CCDC169: variants seen among roughly 807,000 people sequenced by gnomAD.
The protein encoded by CCDC169 is coiled-coil domain containing 169, also known as coiled-coil domain-containing protein 169.
In CCDC169, 30 loss-of-function variants were observed where a neutral mutation model predicts 36.0. The observed-to-expected ratio is 0.83, with a 90% confidence interval of 0.62 to 1.13. The LOEUF is 1.13. CCDC169 is among the 50% of genes most tolerant of loss of function. CCDC169 has a pLI of 0.00. For missense variants in CCDC169, 245 were observed against 245.9 expected, an observed-to-expected ratio of 1.00 and a Z score of 0.03; for synonymous variants, 85 against 81.5, an observed-to-expected ratio of 1.04 and a Z score of -0.23.
chr13:36,254,189 C>A, intron 4 of CCDC169, 46 bp from the exon 5 acceptor site: 6 of 1,273,972 alleles, frequency 4.7e-6, no homozygotes, highest in South Asian at 1.6e-5. Flanking sequence ...ATGTTCTAAA[C>A]AAAATAAGAA....
chr13:36,222,220 A>T (rs1167579908), downstream of CCDC169: 1 of 152,158 alleles, frequency 6.6e-6, no homozygotes, highest in African/African-American at 2.4e-5. Flanking sequence ...CCATCATTCT[A>T]GATTTCTACC....
intron 7 of CCDC169, among the ~76,000 whole-genome samples, chr13:36,239,805 TC>T (rs1871547739): frequency 6.9e-6 from 1 of 144,870 alleles, no homozygotes; most frequent in Non-Finnish European, 1.5e-5. Context: ...TTTACACTTG[TC>T]CCCCCTTTAT....
chr13:36,224,253 A>G (rs1683806497), downstream of CCDC169: 1 of 152,142 alleles, frequency 6.6e-6, no homozygotes, highest in Admixed American at 6.6e-5. Flanking sequence ...GCTATTTTCT[A>G]TTCAACATAG....
At chr13:36,297,591 CG>C in intron 1 of CCDC169, 45 bp downstream of exon 1, 7 of 1,529,534 alleles carry the variant, frequency 4.6e-6, no homozygotes, top group South Asian at 1.2e-5. Flanking sequence ...GGTGAAGGCT[CG>C]GGGGGTGTGG....
chr13:36,255,890 A>T (rs1259051893), intron 4 of CCDC169, among the ~76,000 whole-genome samples: 1 of 152,100 alleles, frequency 6.6e-6, no homozygotes, highest in Non-Finnish European at 1.5e-5. Context: ...ATCCCCATTC[A>T]CTGCCAAGTC....
At chr13:36,234,191 C>A (rs1434840777) in intron 7 of CCDC169, among the ~76,000 whole-genome samples, 1 of 152,148 alleles carries the variant, frequency 6.6e-6, no homozygotes, top group Non-Finnish European at 1.5e-5. Context: ...GTTGGGTCTT[C>A]ATTCTGAAGA....
At position 36,265,629 on chromosome 13, in the gene CCDC169, G is replaced by A. The variant is rs761240762; in HGVS notation, c.316-11486C>T. Among the ~76,000 whole-genome samples, 42 of 152,196 alleles carry A rather than the reference G, an allele frequency of 2.8e-4. 1 individual carries two copies. The highest frequency in any genetic ancestry group is 5.3e-4 in the Non-Finnish European group (36 of 68,038). On this transcript the variant is annotated intron_variant, in intron 4 of 7. Transcript: ENST00000239859. ...TAGGTCTTTAATTATGGCACTAATC[G>A]CTACTGTCTTCCCTGGGATAAGAGA...
chr13:36,254,771 A>C (rs1018845113), intron 4 of CCDC169, among the ~76,000 whole-genome samples: 5 of 152,200 alleles, frequency 3.3e-5, no homozygotes, highest in African/African-American at 9.7e-5. Context: ...AATAGTAGCT[A>C]AACTAACAAG....
chr13:36,254,069 T>C lies in CCDC169; in HGVS notation c.390A>G (p.Ala130=). The change falls in exon 5 of 8, where the codon GCA becomes GCG. Residue 130 remains alanine, a synonymous_variant. Coordinates refer to ENST00000239859, the MANE Select transcript of CCDC169 (RefSeq NM_001144981.3). ...KTLESQVKYY[A]LKLEQESKAY... is the part of the protein sequence containing the mutation. ...CCTTTGATTCTTGTTCCAGTTTAAG[T>C]GCATAGTATTTCACTTGACTTTCAA... 1 of 1,548,948 alleles carries C rather than the reference T, an allele frequency of 6.5e-7. No homozygotes were observed. Among genetic ancestry groups the C allele is most frequent in the Admixed American group, 2.0e-5 (1 of 50,364 alleles).
chr13:36,248,549 A>T, intron 7 of CCDC169, 57 bp downstream of exon 7: 1 of 1,496,930 alleles, frequency 6.7e-7, no homozygotes, highest in Non-Finnish European at 9.1e-7. Flanking sequence ...CTGTTTTGTC[A>T]GTGGCATTTA....
chr13:36,260,747 A>C (rs779643366), intron 4 of CCDC169, among the ~76,000 whole-genome samples: 8 of 151,946 alleles, frequency 5.3e-5, no homozygotes, highest in Non-Finnish European at 7.4e-5. Flanking sequence ...TTGATAAATA[A>C]TCTCCTTTTC....
intron 2 of CCDC169, among the ~76,000 whole-genome samples, chr13:36,294,603 C>A (rs1879258724): frequency 6.6e-6 from 1 of 152,090 alleles, no homozygotes; most frequent in African/African-American, 2.4e-5. Flanking sequence ...AGACAAAACC[C>A]CTCAGACACC....
At chr13:36,254,383 C>T (rs1873576113) in intron 4 of CCDC169, among the ~76,000 whole-genome samples, 1 of 151,270 alleles carries the variant, frequency 6.6e-6, no homozygotes, top group Non-Finnish European at 1.5e-5. Context: ...CTATGCGATT[C>T]CCCTGCCTCA....
At chr13:36,228,609 G>C (rs1225333232), downstream of CCDC169, among the ~76,000 whole-genome samples, 1 of 151,986 alleles carries the variant, frequency 6.6e-6, no homozygotes, top group Non-Finnish European at 1.5e-5. Flanking sequence ...GCCCACGCTG[G>C]AGTGCAGTGG....
intron 7 of CCDC169, among the ~76,000 whole-genome samples, chr13:36,236,550 A>C (rs564252469): frequency 3.3e-5 from 5 of 152,100 alleles, no homozygotes; most frequent in Non-Finnish European, 7.4e-5. Flanking sequence ...AAGAAAACAT[A>C]GGTTAGGCAA....
Position 36,253,986 on chromosome 13 carries a change from A to T in CCDC169, c.414+59T>A, listed in dbSNP as rs897289024. On this transcript the variant is annotated intron_variant, in intron 5 of 7. Coordinates refer to ENST00000239859, the MANE Select transcript of CCDC169 (RefSeq NM_001144981.3). ...TGTTAATTATAGAGTAGGTTTGTAGATAACATTAGAAATAATGGCAGTTTC... is the reference window on the plus strand; with the variant it reads ...TGTTAATTATAGAGTAGGTTTGTAGTTAACATTAGAAATAATGGCAGTTTC... 3.3e-6 allele frequency: 5 copies of T among 1,527,778 alleles called. No individual in the cohort carries two copies. The African/African-American group carries it at 6.9e-5, about 21-fold the overall frequency. 94.6% of individuals were successfully genotyped at this position (1,527,778 alleles called of 1,614,324 possible).
chr13:36,279,291 C>T (rs1877221586), intron 4 of CCDC169, among the ~76,000 whole-genome samples: 1 of 152,046 alleles, frequency 6.6e-6, no homozygotes, highest in Non-Finnish European at 1.5e-5. Flanking sequence ...ATTCACACTC[C>T]CTACCATGAA....
chr13:36,283,557 C>CATTATAAATTATGAGTT, intron 3 of CCDC169, 35 bp downstream of exon 3: 1 of 1,550,790 alleles, frequency 6.4e-7, no homozygotes. Flanking sequence ...AGTTTTAACT[C>CATTATAAATTATGAGTT]AAATTATAAA....
chr13:36,256,714 C>A (rs778870346), intron 4 of CCDC169, among the ~76,000 whole-genome samples: 4 of 152,192 alleles, frequency 2.6e-5, no homozygotes, highest in Non-Finnish European at 5.9e-5. Context: ...AGGCCCCCAC[C>A]GGCCTGGGGT....
Sources: gnomAD v4.1 joint callset for allele counts (sites outside exome capture counted in the v4.1 genomes callset) on GRCh38, gnomAD v4.1.1 for gene constraint, MANE v1.5 for transcripts, NCBI Gene and HGNC (gene_info 2026-07-23, HGNC 2026-07-21) for gene names.